The following PACSIN2 variants were observed in gnomAD, a reference collection of about 807,000 sequenced individuals.
PACSIN2 encodes protein kinase C and casein kinase substrate in neurons protein 2.
A neutral mutation model predicts 63.8 loss-of-function variants in PACSIN2; 25 were observed. The ratio of observed to expected loss-of-function variants is 0.39; its 90% CI spans 0.29 to 0.55. The LOEUF (loss-of-function observed/expected upper bound fraction) is 0.55. Ranked by LOEUF, PACSIN2 falls within the 20% of genes least tolerant of loss-of-function variation. PACSIN2 has a pLI of 0.62. For missense variants in PACSIN2, 518 were observed against 646.9 expected (o/e 0.80, Z 2.16); for synonymous variants, 255 against 256.2 (o/e 1.00, Z 0.05).
chr22:43,000,738 A>T (rs149374066), intron 1 of PACSIN2, among the ~76,000 whole-genome samples: 1 of 152,344 alleles, frequency 6.6e-6, no homozygotes, highest in Non-Finnish European at 1.5e-5. Context: ...AAATAAATCC[A>T]AAAGGAAATA....
chr22:42,872,024 C>G (rs1425921022), intron 10 of PACSIN2, among the ~76,000 whole-genome samples: 2 of 152,252 alleles, frequency 1.3e-5, no homozygotes, highest in Admixed American at 6.5e-5. Flanking sequence ...ATGTGTCAAC[C>G]CTTCCTGAGA....
Position 42,941,893 on chromosome 22 carries a change from C to T in PACSIN2, c.-77-29736G>A, listed in dbSNP as rs545817941. Among the ~76,000 whole-genome samples, 4 of 152,288 alleles carry T rather than the reference C, an allele frequency of 2.6e-5. No individual in the cohort carries two copies. The South Asian group carries it at 6.2e-4, about 24-fold the overall frequency. On this transcript the variant is annotated intron_variant, in intron 1 of 10. Coordinates refer to ENST00000263246, the MANE Select transcript of PACSIN2 (RefSeq NM_001184970.3). ...CTGGGTTCAAGCGATTCTCCTGCCT[C>T]AGCCTCCTGAGTAGCTGGGATTACA...
At chr22:42,892,596 C>A (rs1435069122) in intron 3 of PACSIN2, among the ~76,000 whole-genome samples, 1 of 152,218 alleles carries the variant, frequency 6.6e-6, no homozygotes, top group African/African-American at 2.4e-5. Flanking sequence ...AGGGAGCTGA[C>A]CTATCCTAGG....
intron 5 of PACSIN2, among the ~76,000 whole-genome samples, chr22:42,885,478 G>C (rs1929406734): frequency 6.6e-6 from 1 of 152,078 alleles, no homozygotes; most frequent in Non-Finnish European, 1.5e-5. Context: ...TCTAAGCTTT[G>C]CTGTCCCTAA....
chr22:42,977,884 T>G (rs1601597296), intron 1 of PACSIN2, among the ~76,000 whole-genome samples: 1 of 152,216 alleles, frequency 6.6e-6, no homozygotes, highest in African/African-American at 2.4e-5. Context: ...GCTAAGCCTG[T>G]GAAACTGAGT....
At chr22:42,968,349 T>C (rs1445487294) in intron 1 of PACSIN2, among the ~76,000 whole-genome samples, 1 of 152,126 alleles carries the variant, frequency 6.6e-6, no homozygotes, top group Non-Finnish European at 1.5e-5. Context: ...GGTATAAATA[T>C]GTAAGAAAAT....
intron 10 of PACSIN2, 58 bp downstream of exon 10, chr22:42,876,079 G>A (rs5751396): frequency 8.2e-6 from 12 of 1,463,602 alleles, no homozygotes; most frequent in South Asian, 2.4e-5. Flanking sequence ...AAAAAAGACC[G>A]CCCACAGCCT....
chr22:42,971,116 C>T (rs1278477832), intron 1 of PACSIN2, among the ~76,000 whole-genome samples: 3 of 152,370 alleles, frequency 2.0e-5, no homozygotes, highest in East Asian at 1.9e-4. Context: ...TCTCCCTCCA[C>T]GGTCTCCCTC....
At chr22:42,963,667 A>T (rs945215370) in intron 1 of PACSIN2, among the ~76,000 whole-genome samples, 2 of 152,146 alleles carry the variant, frequency 1.3e-5, no homozygotes, top group Non-Finnish European at 2.9e-5. Context: ...CACAGAACAT[A>T]AGCAATCTGC....
intron 7 of PACSIN2, chr22:42,880,588 C>G (rs1237248556): frequency 6.6e-6 from 1 of 152,228 alleles, no homozygotes; most frequent in Non-Finnish European, 1.5e-5. Context: ...GTATGGCACT[C>G]TATGAGGTAG....
intron 1 of PACSIN2, among the ~76,000 whole-genome samples, chr22:42,994,598 G>C (rs1251963661): frequency 6.6e-6 from 1 of 152,252 alleles, no homozygotes; most frequent in Non-Finnish European, 1.5e-5. Context: ...CATGTAAGGG[G>C]TCTGGGGGTT....
At chr22:42,876,797 C>T (rs1928667254) in intron 9 of PACSIN2, 91 bp downstream of exon 9, 4 of 1,540,978 alleles carry the variant, frequency 2.6e-6, no homozygotes, top group East Asian at 2.3e-5. Context: ...CGTGCATTGC[C>T]GAGTGCCGAG....
chr22:43,014,048 C>T (rs1462452389), intron 1 of PACSIN2, among the ~76,000 whole-genome samples: 1 of 152,118 alleles, frequency 6.6e-6, no homozygotes, highest in Non-Finnish European at 1.5e-5. Flanking sequence ...CCAACCAACT[C>T]CTTCTGAAAA....
intron 2 of PACSIN2, among the ~76,000 whole-genome samples, chr22:42,900,567 C>T (rs970649696): frequency 1.2e-4 from 18 of 152,262 alleles, no homozygotes; most frequent in African/African-American, 3.1e-4. Context: ...GCAACCTTCC[C>T]GTCCGAAGTG....
Position 43,010,398 on chromosome 22 carries a change from A to ATATATATATATATTTTTTTTTT in PACSIN2, c.-78+4622_-78+4623insAAAAAAAAAATATATATATATA. Among the ~76,000 whole-genome samples the ATATATATATATATTTTTTTTTT allele has an allele frequency of 1.5e-3, 190 of 126,382 alleles. 2 individuals carry two copies. Among genetic ancestry groups the ATATATATATATATTTTTTTTTT allele is most frequent in the South Asian group, 2.4e-3 (9 of 3,688 alleles). 82.9% of individuals were successfully genotyped at this position (126,382 alleles called of 152,430 possible). A position where few individuals can be genotyped will look rare whatever the true frequency, so the allele number is the denominator to read the frequency against. Reference sequence around the variant, plus strand: ...TGTTTAAAAATACATATATATATATATTTTTTTTTAATTGAAAATAAAAAA... The same window carrying ATATATATATATATTTTTTTTTT: ...TGTTTAAAAATACATATATATATATATATATATATATATTTTTTTTTTTTTTTTTTTAATTGAAAATAAAAAA... On this transcript the variant is annotated intron_variant, in intron 1 of 10. Transcript: ENST00000263246.
At chr22:42,919,385 C>T (rs1382402879) in intron 1 of PACSIN2, among the ~76,000 whole-genome samples, 1 of 152,094 alleles carries the variant, frequency 6.6e-6, no homozygotes, top group Non-Finnish European at 1.5e-5. Flanking sequence ...ATGAGTCATC[C>T]CTGGTCTTTC....
intron 1 of PACSIN2, among the ~76,000 whole-genome samples, 156 bp from the exon 2 acceptor site, chr22:42,912,313 A>G (rs368304502): frequency 6.6e-6 from 1 of 152,186 alleles, no homozygotes; most frequent in Non-Finnish European, 1.5e-5. Flanking sequence ...GTAGACTCTA[A>G]TCAACTCTGG....
intron 1 of PACSIN2, among the ~76,000 whole-genome samples, chr22:42,989,417 G>A (rs1471580009): frequency 6.6e-6 from 1 of 151,236 alleles, no homozygotes; most frequent in Non-Finnish European, 1.5e-5. Context: ...AGAATCGCTT[G>A]AACCTGGGAG....
At chr22:42,937,659 C>G (rs775156947) in intron 1 of PACSIN2, among the ~76,000 whole-genome samples, 1 of 152,164 alleles carries the variant, frequency 6.6e-6, no homozygotes, top group Non-Finnish European at 1.5e-5. Context: ...TACCACACCC[C>G]TTGCCTGGCC....
Sources: gnomAD v4.1 joint callset for allele counts (sites outside exome capture counted in the v4.1 genomes callset) on GRCh38, gnomAD v4.1.1 for gene constraint, MANE v1.5 for transcripts, NCBI Gene and HGNC (gene_info 2026-07-23, HGNC 2026-07-21) for gene names.